The following HS6ST3 variants were observed in gnomAD, a reference collection of about 807,000 sequenced individuals.
HS6ST3 encodes heparan sulfate 6-O-sulfotransferase 3.
In HS6ST3, 12 loss-of-function variants were observed where a neutral mutation model predicts 36.7. That is an observed-to-expected ratio of 0.33 (90% confidence interval 0.21 to 0.53). The LOEUF is 0.53. Ranked by LOEUF, HS6ST3 falls within the 20% of genes least tolerant of loss-of-function variation. The pLI is 0.95. For missense variants in HS6ST3, 584 were observed against 640.9 expected (o/e 0.91, Z 0.96); for synonymous variants, 240 against 257.5 (o/e 0.93, Z 0.65).
chr13:96,645,693 C>T (rs2056586250), intron 1 of HS6ST3, among the ~76,000 whole-genome samples: 1 of 151,590 alleles, frequency 6.6e-6, no homozygotes, highest in African/African-American at 2.4e-5. Context: ...TGAACTATAC[C>T]ATTTTATTCT....
chr13:96,697,110 A>G (rs1875150317), intron 1 of HS6ST3, among the ~76,000 whole-genome samples: 3 of 152,172 alleles, frequency 2.0e-5, no homozygotes, highest in East Asian at 1.9e-4. Context: ...ACAAGATGCC[A>G]TGAACAAGAG....
At chr13:96,617,721 A>C (rs992601219) in intron 1 of HS6ST3, among the ~76,000 whole-genome samples, 7 of 152,202 alleles carry the variant, frequency 4.6e-5, no homozygotes, top group Non-Finnish European at 8.8e-5. Flanking sequence ...CCGAAGCAGC[A>C]GTATCAATCA....
chr13:96,394,554 C>T (rs779290442), intron 1 of HS6ST3, among the ~76,000 whole-genome samples: 4 of 152,014 alleles, frequency 2.6e-5, no homozygotes, highest in Non-Finnish European at 5.9e-5. Context: ...ACCTAGCATT[C>T]GATAAATTAA....
At chr13:96,472,671 A>G (rs1197855239) in intron 1 of HS6ST3, among the ~76,000 whole-genome samples, 1 of 152,202 alleles carries the variant, frequency 6.6e-6, no homozygotes, top group Non-Finnish European at 1.5e-5. Context: ...GCAATACCTC[A>G]GTTAACTTAG....
chr13:96,610,683 G>T (rs1424796534), intron 1 of HS6ST3, among the ~76,000 whole-genome samples: 1 of 152,064 alleles, frequency 6.6e-6, no homozygotes, highest in Non-Finnish European at 1.5e-5. Flanking sequence ...TGATTATCAT[G>T]TTAATTAGAA....
intron 1 of HS6ST3, among the ~76,000 whole-genome samples, chr13:96,363,936 A>G (rs1284394179): frequency 6.6e-6 from 1 of 152,174 alleles, no homozygotes; most frequent in African/African-American, 2.4e-5. Context: ...AAAACTAGAA[A>G]ATAAATGAAA....
At chr13:96,527,814 G>A (rs1594800326) in intron 1 of HS6ST3, among the ~76,000 whole-genome samples, 1 of 152,232 alleles carries the variant, frequency 6.6e-6, no homozygotes, top group Middle Eastern at 3.4e-3. Flanking sequence ...TGGCTAAGTA[G>A]GTAGCATTGT....
chr13:96,747,925 A>G (rs1876602506), intron 1 of HS6ST3, among the ~76,000 whole-genome samples: 1 of 152,054 alleles, frequency 6.6e-6, no homozygotes, highest in Non-Finnish European at 1.5e-5. Flanking sequence ...TTCAGGAGGC[A>G]TTTTATTGCA....
At chr13:96,649,698 C>T (rs1044636361) in intron 1 of HS6ST3, among the ~76,000 whole-genome samples, 3 of 151,996 alleles carry the variant, frequency 2.0e-5, no homozygotes, top group Admixed American at 2.0e-4. Flanking sequence ...GTAGAAGCTG[C>T]TCAAGAGTCT....
intron 1 of HS6ST3, among the ~76,000 whole-genome samples, chr13:96,094,947 C>T (rs901184168): frequency 1.2e-4 from 19 of 152,136 alleles, no homozygotes; most frequent in South Asian, 8.3e-4. Context: ...TATTACTGTA[C>T]GCCCCTTAAT....
intron 1 of HS6ST3, among the ~76,000 whole-genome samples, chr13:96,621,679 T>C (rs1409520198): frequency 2.0e-5 from 3 of 152,202 alleles, no homozygotes; most frequent in African/African-American, 7.2e-5. Flanking sequence ...TTTTTATAAC[T>C]TTATTGTCCC....
At chr13:96,735,290 G>T (rs1876255144) in intron 1 of HS6ST3, among the ~76,000 whole-genome samples, 1 of 151,916 alleles carries the variant, frequency 6.6e-6, no homozygotes, top group Non-Finnish European at 1.5e-5. Flanking sequence ...AACCTAAGAA[G>T]AGTTTATGTG....
chr13:96,571,152 T>C (rs9584390), intron 1 of HS6ST3, among the ~76,000 whole-genome samples: 25,209 of 152,184 alleles, frequency 0.17, 2,975 homozygotes, highest in African/African-American at 0.34. Context: ...TGTTCACTTA[T>C]TCTATTCACA....
At chr13:96,693,458 C>T (rs1027086988) in intron 1 of HS6ST3, among the ~76,000 whole-genome samples, 2 of 152,114 alleles carry the variant, frequency 1.3e-5, no homozygotes, top group African/African-American at 2.4e-5. Context: ...GCATGCACCA[C>T]CACACCCAGC....
intron 1 of HS6ST3, among the ~76,000 whole-genome samples, chr13:96,693,993 G>A (rs1350569386): frequency 1.3e-5 from 2 of 152,018 alleles, no homozygotes; most frequent in Non-Finnish European, 2.9e-5. Context: ...TTATATCTTA[G>A]TTTCCCGTCT....
chr13:96,108,802 G>A (rs1340822087), intron 1 of HS6ST3, among the ~76,000 whole-genome samples: 1 of 152,210 alleles, frequency 6.6e-6, no homozygotes, highest in Non-Finnish European at 1.5e-5. Context: ...GGAAGTTAAA[G>A]AAAGCATTGG....
intron 1 of HS6ST3, among the ~76,000 whole-genome samples, chr13:96,565,852 T>G (rs975100165): frequency 2.0e-5 from 3 of 152,096 alleles, no homozygotes; most frequent in Non-Finnish European, 4.4e-5. Context: ...AAATGGAAAT[T>G]GACAGACAAG....
intron 1 of HS6ST3, among the ~76,000 whole-genome samples, chr13:96,095,221 C>T (rs372803695): frequency 6.6e-6 from 1 of 152,242 alleles, no homozygotes; most frequent in Non-Finnish European, 1.5e-5. Context: ...CCTTAAGCAC[C>T]TGCTTACTAT....
intron 1 of HS6ST3, among the ~76,000 whole-genome samples, chr13:96,761,062 G>A (rs750462104): frequency 9.3e-5 from 14 of 150,582 alleles, no homozygotes; most frequent in Non-Finnish European, 1.6e-4. Context: ...ACCTAGTTCC[G>A]TCTCTGGAAA....
Sources: gnomAD v4.1 joint callset for allele counts (sites outside exome capture counted in the v4.1 genomes callset) on GRCh38, gnomAD v4.1.1 for gene constraint, MANE v1.5 for transcripts, NCBI Gene and HGNC (gene_info 2026-07-23, HGNC 2026-07-21) for gene names.